Variants in HDAC9 observed in about 807,000 individuals in gnomAD.
HDAC9 encodes MEF-2 interacting transcription repressor (MITR) protein.
HDAC9 carries 41 observed loss-of-function variants against 139.4 expected under a neutral mutation model. The observed-to-expected ratio is 0.29, with a 90% confidence interval of 0.23 to 0.38. The LOEUF is 0.38. HDAC9 is among the 10% of genes least tolerant of loss of function. HDAC9 has a pLI of 1.00. For missense variants in HDAC9, 1,147 were observed against 1,297.0 expected (o/e 0.88, Z 1.78); for synonymous variants, 517 against 476.2 (o/e 1.09, Z -1.12).
At chr7:18,501,223 T>G (rs1798270853) in intron 2 of HDAC9, among the ~76,000 whole-genome samples, 1 of 152,014 alleles carries the variant, frequency 6.6e-6, no homozygotes, top group East Asian at 1.9e-4. Context: ...TTGGATTGTG[T>G]TTATAGGGCA....
intron 12 of HDAC9, among the ~76,000 whole-genome samples, chr7:18,718,605 C>A: frequency 6.6e-6 from 1 of 152,110 alleles, no homozygotes. Context: ...ATCACTGTTT[C>A]TTTCCTTCTT....
chr7:18,724,274 C>G (rs1164377110), intron 12 of HDAC9, among the ~76,000 whole-genome samples: 1 of 152,142 alleles, frequency 6.6e-6, no homozygotes, highest in Non-Finnish European at 1.5e-5. Flanking sequence ...TATACCTACA[C>G]AGACCTAGAT....
At chr7:18,673,306 A>C (rs1795771622) in intron 12 of HDAC9, among the ~76,000 whole-genome samples, 1 of 152,026 alleles carries the variant, frequency 6.6e-6, no homozygotes, top group Admixed American at 6.6e-5. Context: ...ACTAATGTTC[A>C]TGTCTTAGCT....
chr7:18,522,325 C>T (rs556101211), intron 2 of HDAC9, among the ~76,000 whole-genome samples: 5 of 152,208 alleles, frequency 3.3e-5, no homozygotes, highest in East Asian at 1.9e-4. Flanking sequence ...TGGGGATAGA[C>T]GTTTTAACAA....
chr7:18,862,063 C>G (rs1798148054), intron 21 of HDAC9, among the ~76,000 whole-genome samples: 2 of 152,088 alleles, frequency 1.3e-5, no homozygotes, highest in African/African-American at 4.8e-5. Context: ...GATAATTTAG[C>G]CCCCAAAATA....
intron 2 of HDAC9, 136 bp from the exon 3 acceptor site, chr7:18,585,145 G>T: frequency 1.1e-6 from 1 of 921,296 alleles, no homozygotes; most frequent in East Asian, 2.4e-5. Context: ...TCATTGTAAA[G>T]AAATGGCTAG....
intron 17 of HDAC9, among the ~76,000 whole-genome samples, chr7:18,819,139 GC>G (rs1482460194): frequency 6.6e-6 from 1 of 152,122 alleles, no homozygotes. Context: ...AATTAGACAG[GC>G]TTTATGGTGC....
intron 22 of HDAC9, among the ~76,000 whole-genome samples, chr7:18,885,102 C>T (rs563311138): frequency 6.6e-6 from 1 of 152,184 alleles, no homozygotes; most frequent in African/African-American, 2.4e-5. Context: ...AGATGACTTT[C>T]TGCTCGAAAC....
chr7:18,191,652 A>T (rs1790358971), intron 2 of HDAC9, among the ~76,000 whole-genome samples: 1 of 152,242 alleles, frequency 6.6e-6, no homozygotes. Flanking sequence ...TGGCTTGCCA[A>T]GTTTGTAAAC....
intron 3 of HDAC9, among the ~76,000 whole-genome samples, chr7:18,589,083 A>C (rs967120131): frequency 6.6e-6 from 1 of 152,178 alleles, no homozygotes; most frequent in Non-Finnish European, 1.5e-5. Context: ...GTAGTTTAGT[A>C]ACTTGTCCGG....
chr7:18,761,485 T>C (rs1789385012), intron 14 of HDAC9, among the ~76,000 whole-genome samples: 1 of 152,198 alleles, frequency 6.6e-6, no homozygotes, highest in Non-Finnish European at 1.5e-5. Context: ...AAATAAATAT[T>C]GAAGAGAGGT....
At position 18,609,035 on chromosome 7, in the gene HDAC9, A is replaced by G. The variant is rs185247504; in HGVS notation, c.664+15006A>G. On this transcript the variant is annotated intron_variant, in intron 6 of 25. Coordinates refer to ENST00000686413, the MANE Select transcript of HDAC9 (RefSeq NM_178425.4). ...ATTATTTTTTTGGTTGTAAGCCTTC[A>G]ATATCTTTATTTCAAAATGCATATT... is the stretch of plus-strand genomic sequence containing the variant. Among the ~76,000 whole-genome samples the G allele has an allele frequency of 2.3e-3, 354 of 152,292 alleles. 5 individuals are homozygous for G. Among genetic ancestry groups the G allele is most frequent in the African/African-American group, 8.0e-3 (332 of 41,570 alleles).
At chr7:18,574,061 G>C (rs1289093826) in intron 2 of HDAC9, among the ~76,000 whole-genome samples, 1 of 152,250 alleles carries the variant, frequency 6.6e-6, no homozygotes, top group Non-Finnish European at 1.5e-5. Context: ...TGAGCAAAGC[G>C]AAGAGGAGCT....
intron 2 of HDAC9, among the ~76,000 whole-genome samples, chr7:18,264,447 A>G (rs1383351281): frequency 6.6e-6 from 1 of 152,226 alleles, no homozygotes; most frequent in African/African-American, 2.4e-5. Flanking sequence ...AAGCAGGGTA[A>G]ACATACATGT....
intron 22 of HDAC9, among the ~76,000 whole-genome samples, chr7:18,886,188 A>G (rs1563022571): frequency 6.6e-6 from 1 of 152,222 alleles, no homozygotes; most frequent in East Asian, 1.9e-4. Context: ...TTCCTTGCTC[A>G]ATTGCCTATT....
chr7:18,620,157 AC>A (rs1380045246), intron 6 of HDAC9, among the ~76,000 whole-genome samples: 2 of 152,218 alleles, frequency 1.3e-5, no homozygotes, highest in Non-Finnish European at 2.9e-5. Flanking sequence ...CTGTATAGGT[AC>A]CTGAACAATG....
At chr7:18,816,926 G>A (rs1357467841) in intron 17 of HDAC9, among the ~76,000 whole-genome samples, 2 of 152,044 alleles carry the variant, frequency 1.3e-5, no homozygotes, top group South Asian at 4.2e-4. Context: ...ATTCCACAAG[G>A]ACCTAAAGAA....
At chr7:18,148,212 C>A (rs754959468) in intron 1 of HDAC9, among the ~76,000 whole-genome samples, 3 of 152,196 alleles carry the variant, frequency 2.0e-5, no homozygotes, top group Non-Finnish European at 4.4e-5. Flanking sequence ...GATGAGAAAT[C>A]TGACATGGTT....
chr7:18,325,237 T>G (rs1800346408), intron 1 of HDAC9, among the ~76,000 whole-genome samples: 1 of 152,162 alleles, frequency 6.6e-6, no homozygotes, highest in Non-Finnish European at 1.5e-5. Context: ...TTTCCTTAAT[T>G]TTTGATGCTC....
Sources: gnomAD v4.1 joint callset for allele counts (sites outside exome capture counted in the v4.1 genomes callset) on GRCh38, gnomAD v4.1.1 for gene constraint, MANE v1.5 for transcripts, NCBI Gene and HGNC (gene_info 2026-07-23, HGNC 2026-07-21) for gene names.